Variants in FOCAD observed in about 807,000 individuals in gnomAD.
FOCAD encodes the protein KIAA1797.
Under a neutral mutation model 225.6 loss-of-function variants are expected in FOCAD, and 198 were observed. That is an observed-to-expected ratio of 0.88 (90% CI 0.78 to 0.99). FOCAD has a LOEUF of 0.99. FOCAD is among the 50% of genes least tolerant of loss of function. The pLI is 0.00. For synonymous variants in FOCAD, 897 were observed against 755.0 expected, an observed-to-expected ratio of 1.19 and a Z score of -3.08; for missense variants, 2,713 against 2,123.6, an observed-to-expected ratio of 1.28 and a Z score of -5.46.
intron 2 of FOCAD, 57 bp from the exon 3 acceptor site, chr9:20,717,737 T>G: frequency 5.1e-5 from 68 of 1,345,860 alleles, no homozygotes; most frequent in Non-Finnish European, 6.7e-5. Flanking sequence ...CAACTAGTAT[T>G]GATATTTGGA....
chr9:20,745,295 G>A (rs1022049318), intron 5 of FOCAD, among the ~76,000 whole-genome samples: 3 of 151,880 alleles, frequency 2.0e-5, no homozygotes, highest in African/African-American at 7.3e-5. Context: ...AGGCAGGGTT[G>A]TCCAGGCTGG....
intron 11 of FOCAD, among the ~76,000 whole-genome samples, chr9:20,797,545 T>C (rs1215231167): frequency 6.6e-6 from 1 of 152,178 alleles, no homozygotes; most frequent in Non-Finnish European, 1.5e-5. Flanking sequence ...CCCTTGTAAG[T>C]TGGATTCCTA....
chr9:20,787,996 T>C (rs964588444), intron 10 of FOCAD, among the ~76,000 whole-genome samples: 7 of 152,196 alleles, frequency 4.6e-5, no homozygotes, highest in Non-Finnish European at 7.4e-5. Context: ...TGAACACTTA[T>C]AACCTCAGAA....
intron 5 of FOCAD, among the ~76,000 whole-genome samples, chr9:20,747,615 C>T (rs1828161087): frequency 6.6e-6 from 1 of 152,050 alleles, no homozygotes; most frequent in Non-Finnish European, 1.5e-5. Flanking sequence ...TATTCCCAGC[C>T]CCTGGAAAAC....
intron 13 of FOCAD, 97 bp from the exon 14 acceptor site, chr9:20,820,844 A>T: frequency 7.4e-7 from 1 of 1,346,034 alleles, no homozygotes; most frequent in Non-Finnish European, 1.0e-6. Context: ...TGCAATGCAA[A>T]TGGAGGATTT....
At chr9:20,931,300 A>G (rs188956788) in intron 27 of FOCAD, among the ~76,000 whole-genome samples, 30 of 152,280 alleles carry the variant, frequency 2.0e-4, no homozygotes, top group Non-Finnish European at 3.5e-4. Flanking sequence ...CCACAGAATA[A>G]CTACAGATTT....
intron 11 of FOCAD, among the ~76,000 whole-genome samples, chr9:20,804,475 G>A (rs936976651): frequency 1.3e-5 from 2 of 152,060 alleles, no homozygotes; most frequent in African/African-American, 4.8e-5. Context: ...TTTTAAAACA[G>A]TAGAAAAATG....
chr9:20,837,131 T>C (rs1826065995), intron 15 of FOCAD, among the ~76,000 whole-genome samples: 1 of 152,112 alleles, frequency 6.6e-6, no homozygotes, highest in Non-Finnish European at 1.5e-5. Context: ...AGGATCTCCA[T>C]TGCCCCCGTG....
intron 1 of FOCAD, among the ~76,000 whole-genome samples, chr9:20,701,046 T>A (rs60838440): frequency 6.6e-5 from 10 of 151,954 alleles, no homozygotes; most frequent in Non-Finnish European, 1.3e-4. Context: ...CCCTTCAGAA[T>A]GAGACAAGAA....
rs565339619 is a variant in FOCAD at position 20,971,746 on chromosome 9, A to G, written c.4133-4674A>G. ...ACTGAAACTCTAGCCATTAAACAATAACTCCCTTTCCCCCACCCCTCTCCC... is the reference window on the plus strand; with the variant it reads ...ACTGAAACTCTAGCCATTAAACAATGACTCCCTTTCCCCCACCCCTCTCCC... On this transcript the variant is annotated intron_variant, in intron 35 of 43. Coordinates refer to ENST00000338382, the MANE Select transcript of FOCAD (RefSeq NM_001375567.1). Among the ~76,000 whole-genome samples the G allele has an allele frequency of 1.4e-4, 21 of 152,224 alleles. No homozygotes were observed. In the South Asian group the frequency reaches 4.1e-3, roughly 30 times the overall value.
At chr9:20,925,645 T>C (rs1057068018) in intron 25 of FOCAD, among the ~76,000 whole-genome samples, 2 of 152,248 alleles carry the variant, frequency 1.3e-5, no homozygotes, top group Admixed American at 6.5e-5. Context: ...ACCATGTGAG[T>C]TAATGAATGC....
At chr9:20,843,529 C>T (rs1826764353) in intron 15 of FOCAD, among the ~76,000 whole-genome samples, 1 of 151,956 alleles carries the variant, frequency 6.6e-6, no homozygotes, top group Non-Finnish European at 1.5e-5. Context: ...CTTTTAGGAT[C>T]CTTTAAAAAT....
chr9:20,823,076 C>T lies in FOCAD; in HGVS notation c.1881C>T (p.Ala627=). ...CTKPDQATPA[A]LVLQGLHALC... is the part of the protein sequence containing the mutation. ...AGCCTGATCAAGCTACTCCAGCAGC[C>T]TTGGTATTACAGGGTCTTCATGCAC... Residue 627 remains alanine (A), a synonymous_variant, in exon 15 of 44, where the codon GCC becomes GCT. Coordinates refer to ENST00000338382, the MANE Select transcript of FOCAD (RefSeq NM_001375567.1). The T allele has an allele frequency of 6.2e-7, 1 of 1,608,842 alleles. No individual in the cohort carries two copies. The highest frequency in any genetic ancestry group is 8.5e-7 in the Non-Finnish European group (1 of 1,177,922).
intron 11 of FOCAD, among the ~76,000 whole-genome samples, chr9:20,798,699 T>A (rs1267641517): frequency 1.3e-5 from 2 of 152,170 alleles, no homozygotes; most frequent in African/African-American, 4.8e-5. Flanking sequence ...TGATATCCCC[T>A]TTATCATTTT....
At chr9:20,864,057 G>T (rs762031496) in intron 16 of FOCAD, among the ~76,000 whole-genome samples, 2 of 151,990 alleles carry the variant, frequency 1.3e-5, no homozygotes, top group Non-Finnish European at 2.9e-5. Flanking sequence ...TTCCTGCCCA[G>T]TTAGGGGGAG....
At position 20,954,569 on chromosome 9, in the gene FOCAD, C is replaced by T. The variant is rs369436878; in HGVS notation, c.4132+1504C>T. ...TTTTCTCTGAATCTTATTCAATCTT[C>T]GGTTGAATGTAACATTTTTATGATT... On this transcript the variant is annotated intron_variant, in intron 35 of 43. Transcript: ENST00000338382. Among the ~76,000 whole-genome samples, 29 of 152,192 alleles carry T rather than the reference C, an allele frequency of 1.9e-4. No individual in the cohort carries two copies. In the South Asian group the frequency reaches 5.6e-3, roughly 29 times the overall value.
At chr9:20,879,460 G>A (rs1298556540) in intron 19 of FOCAD, among the ~76,000 whole-genome samples, 1 of 152,148 alleles carries the variant, frequency 6.6e-6, no homozygotes, top group East Asian at 1.9e-4. Context: ...ATTATTATTA[G>A]CACTAGTTTT....
intron 28 of FOCAD, among the ~76,000 whole-genome samples, chr9:20,936,349 G>A (rs1267121639): frequency 6.6e-6 from 1 of 152,194 alleles, no homozygotes; most frequent in East Asian, 1.9e-4. Context: ...TAACAAAAGG[G>A]TAAATGATAT....
intron 8 of FOCAD, among the ~76,000 whole-genome samples, chr9:20,778,409 A>T (rs1036403967): frequency 1.3e-5 from 2 of 151,868 alleles, no homozygotes; most frequent in Admixed American, 1.3e-4. Context: ...TTTGATAGAG[A>T]CGGGGTTTCA....
Sources: allele counts gnomAD v4.1 joint callset (sites outside exome capture counted in the v4.1 genomes callset), GRCh38; gene constraint gnomAD v4.1.1; transcripts MANE v1.5; gene names NCBI Gene and HGNC (gene_info 2026-07-23, HGNC 2026-07-21).